PROSER2: variants seen among roughly 807,000 people sequenced by gnomAD.
PROSER2 encodes proline and serine rich 2.
Under a neutral mutation model 14.6 loss-of-function variants are expected in PROSER2, and 18 were observed. That is an observed-to-expected ratio of 1.23 (90% CI 0.85 to 1.83). PROSER2 has a LOEUF of 1.83. Ranked by LOEUF, PROSER2 falls within the 40% of genes most tolerant of loss-of-function variation. PROSER2 has a pLI of 0.00. For synonymous variants in PROSER2, 367 were observed against 286.4 expected, an observed-to-expected ratio of 1.28 and a Z score of -2.84; for missense variants, 823 against 629.8, an observed-to-expected ratio of 1.31 and a Z score of -3.28.
At chr10:11,833,235 C>CTTTTTTTTTTTGTTTTT (rs1833711770) in intron 1 of PROSER2, among the ~76,000 whole-genome samples, 1 of 87,668 alleles carries the variant, frequency 1.1e-5, no homozygotes, top group African/African-American at 4.8e-5. Flanking sequence ...AATGTTGTGG[C>CTTTTTTTTTTTGTTTTT]TTTTTTTTTT....
Position 11,866,440 on chromosome 10 carries a change from G to A in PROSER2, c.139-91G>A, listed in dbSNP as rs2131093081. On this transcript the variant is annotated intron_variant, in intron 2 of 3. Coordinates refer to ENST00000277570, the MANE Select transcript of PROSER2 (RefSeq NM_153256.4). The surrounding 1 kb of genome is among the most constrained non-coding windows in gnomAD (Gnocchi z 6.0). ...GACACAGTGAGTTCCGCCCTGGGCTGTGGACCAATCCCAACTTTGCTTCAG... is the reference window on the plus strand; with the variant it reads ...GACACAGTGAGTTCCGCCCTGGGCTATGGACCAATCCCAACTTTGCTTCAG... 2.6e-6 allele frequency: 4 copies of A among 1,518,402 alleles called. No homozygotes were observed. Among genetic ancestry groups the A allele is most frequent in the South Asian group, 1.2e-5 (1 of 80,214 alleles). 94.1% of individuals were successfully genotyped at this position (1,518,402 alleles called of 1,614,324 possible).
chr10:11,846,447 G>C (rs1284806119), intron 1 of PROSER2, among the ~76,000 whole-genome samples: 1 of 152,082 alleles, frequency 6.6e-6, no homozygotes, highest in South Asian at 2.1e-4. Flanking sequence ...CAAATGATAG[G>C]TTTCTTCAGA....
chr10:11,859,458 G>A (rs1535980), intron 2 of PROSER2, among the ~76,000 whole-genome samples: 33,034 of 152,052 alleles, frequency 0.22, 3,749 homozygotes, highest in Middle Eastern at 0.31. Context: ...TTGTGAGAAG[G>A]GAATTTACTT....
At chr10:11,828,787 G>A (rs913592139) in intron 1 of PROSER2, among the ~76,000 whole-genome samples, 1 of 152,146 alleles carries the variant, frequency 6.6e-6, no homozygotes, top group African/African-American at 2.4e-5. Flanking sequence ...CTGGGAATAC[G>A]GAGGTGACTA....
chr10:11,849,206 A>G (rs896630745), intron 1 of PROSER2, among the ~76,000 whole-genome samples: 1 of 152,096 alleles, frequency 6.6e-6, no homozygotes, highest in Non-Finnish European at 1.5e-5. Context: ...ACAAAAAAAC[A>G]AAGAGTTTAA....
chr10:11,862,930 C>T lies in PROSER2; in HGVS notation c.139-3601C>T, dbSNP rs948794972. The stretch of plus-strand genomic sequence containing the variant: ...CCTTCAGGGCGCTAGAGCAACCAGC[C>T]CTGCCGAAAGCAAGTGTCAGTCAGT... On this transcript the variant is annotated intron_variant, in intron 2 of 3. Coordinates refer to ENST00000277570, the MANE Select transcript of PROSER2 (RefSeq NM_153256.4). This position sits in a 1 kb window ranked among gnomAD's most constrained non-coding sequence, Gnocchi z 4.2. 2.0e-5 allele frequency: 3 copies of T among 152,142 alleles called. No individual in the cohort carries two copies. Among genetic ancestry groups the T allele is most frequent in the African/African-American group, 7.2e-5 (3 of 41,416 alleles). The allele number at this position is 152,142 out of a possible 1,614,324, so 9.4% of individuals were successfully genotyped here. A position where few individuals can be genotyped will look rare whatever the true frequency, so the allele number is the denominator to read the frequency against.
intron 1 of PROSER2, among the ~76,000 whole-genome samples, chr10:11,841,327 C>A (rs1016678606): frequency 2.0e-5 from 3 of 152,040 alleles, no homozygotes; most frequent in African/African-American, 7.2e-5. Context: ...ATTGTTCATC[C>A]ATTTTTCCCC....
intron 1 of PROSER2, among the ~76,000 whole-genome samples, chr10:11,826,896 T>TTC (rs1564299646): frequency 7.3e-6 from 1 of 136,866 alleles, no homozygotes; most frequent in African/African-American, 2.6e-5. Flanking sequence ...TTTTTTTTTT[T>TTC]TCCTCTGACA....
Position 11,862,747 on chromosome 10 carries a change from C to G in PROSER2, c.139-3784C>G, listed in dbSNP as rs959737663. The stretch of plus-strand genomic sequence containing the variant: ...ACATCAATATTTCATTATGTATATG[C>G]AAATATTTCAAAATGTGAAAAAATC... On this transcript the variant is annotated intron_variant, in intron 2 of 3. Transcript: ENST00000277570. The surrounding 1 kb of genome is among the most constrained non-coding windows in gnomAD (Gnocchi z 4.2). 3 of 152,050 alleles carry G rather than the reference C, an allele frequency of 2.0e-5. No homozygotes were observed. Among genetic ancestry groups the G allele is most frequent in the Non-Finnish European group, 2.9e-5 (2 of 68,022 alleles). The allele number at this position is 152,050 out of a possible 1,614,324, so 9.4% of individuals were successfully genotyped here.
chr10:11,872,017 AT>A lies in PROSER2; in HGVS notation c.*1615del, dbSNP rs1428099691. On this transcript the variant is annotated 3_prime_UTR_variant, in exon 4 of 4. Coordinates refer to ENST00000277570, the MANE Select transcript of PROSER2 (RefSeq NM_153256.4). ...CAGCTTTCAAAAGTAGTTACTGTAAATTTTACTCCTGTTAATGCTGGATTGG... is the reference window on the plus strand; with the variant it reads ...CAGCTTTCAAAAGTAGTTACTGTAAATTTACTCCTGTTAATGCTGGATTGG... The A allele has an allele frequency of 6.6e-6, 1 of 152,214 alleles. No individual in the cohort carries two copies. The highest frequency in any genetic ancestry group is 1.5e-5 in the Non-Finnish European group (1 of 68,044). The allele number at this position is 152,214 out of a possible 1,614,324, so 9.4% of individuals were successfully genotyped here. A position where few individuals can be genotyped will look rare whatever the true frequency, so the allele number is the denominator to read the frequency against.
chr10:11,867,848 C>G (rs1269212207), intron 3 of PROSER2, among the ~76,000 whole-genome samples: 2 of 152,068 alleles, frequency 1.3e-5, no homozygotes, highest in Non-Finnish European at 2.9e-5. Context: ...AGTTTTTTTC[C>G]CCGATTGGAA....
intron 1 of PROSER2, among the ~76,000 whole-genome samples, chr10:11,828,352 G>C (rs961175606): frequency 3.3e-5 from 5 of 151,406 alleles, no homozygotes; most frequent in African/African-American, 1.2e-4. Context: ...ATAAACAGGT[G>C]AGTTGGGTCC....
chr10:11,825,685 A>T (rs954320282), intron 1 of PROSER2, among the ~76,000 whole-genome samples: 2 of 152,140 alleles, frequency 1.3e-5, no homozygotes, highest in Non-Finnish European at 2.9e-5. Flanking sequence ...GAAACCTAAG[A>T]GTATTTTAAG....
At chr10:11,860,504 T>C (rs908844369) in intron 2 of PROSER2, among the ~76,000 whole-genome samples, 3 of 151,800 alleles carry the variant, frequency 2.0e-5, no homozygotes, top group Non-Finnish European at 4.4e-5. Context: ...TAATCCCAGC[T>C]ACTCCGGATC....
rs1286509525 is a variant in PROSER2 at position 11,862,405 on chromosome 10, C to A, written c.139-4126C>A. 6.6e-6 allele frequency among the ~76,000 whole-genome samples: 1 copy of A among 152,208 alleles called. No individual in the cohort carries two copies. Among genetic ancestry groups the A allele is most frequent in the Admixed American group, 6.5e-5 (1 of 15,282 alleles). ...GGACTCTGCCAGATATCAAGACTTA[C>A]TATAGAATGGGCACAGTGGCTCATG... On this transcript the variant is annotated intron_variant, in intron 2 of 3. Transcript: ENST00000277570. This position sits in a 1 kb window ranked among gnomAD's most constrained non-coding sequence, Gnocchi z 4.2.
chr10:11,864,823 G>A (rs546074193), intron 2 of PROSER2, among the ~76,000 whole-genome samples: 1 of 152,020 alleles, frequency 6.6e-6, no homozygotes, highest in East Asian at 1.9e-4. Flanking sequence ...TCTGGAGCTC[G>A]AGTGATCCAC....
Position 11,830,213 on chromosome 10 carries a change from C to T in PROSER2, c.-82+6743C>T, listed in dbSNP as rs1368830818. Among the ~76,000 whole-genome samples the T allele has an allele frequency of 6.6e-6, 1 of 152,116 alleles. No individual in the cohort carries two copies. Among genetic ancestry groups the T allele is most frequent in the East Asian group, 1.9e-4 (1 of 5,198 alleles). On this transcript the variant is annotated intron_variant, in intron 1 of 3. Coordinates refer to ENST00000277570, the MANE Select transcript of PROSER2 (RefSeq NM_153256.4). The surrounding 1 kb of genome is among the most constrained non-coding windows in gnomAD (Gnocchi z 4.5). Reference sequence around the variant, plus strand: ...CCCACCTTTTGGAGTCTCCCGTGTCCATTATTTCACTCTGTGCATTTATGT... The same window carrying T: ...CCCACCTTTTGGAGTCTCCCGTGTCTATTATTTCACTCTGTGCATTTATGT...
chr10:11,859,276 A>G (rs1834189253), intron 2 of PROSER2, among the ~76,000 whole-genome samples: 1 of 151,984 alleles, frequency 6.6e-6, no homozygotes, highest in Admixed American at 6.6e-5. Flanking sequence ...ACCAAAAAAC[A>G]AAAAAGGCCG....
At position 11,861,653 on chromosome 10, in the gene PROSER2, C is replaced by T. The variant is rs114495355; in HGVS notation, c.139-4878C>T. ...AAGCGACAAACCATAGCCTGTGGCC[C>T]GTAGCTGCCCCCACTCCGTGCTTTT... On this transcript the variant is annotated intron_variant, in intron 2 of 3. Coordinates refer to ENST00000277570, the MANE Select transcript of PROSER2 (RefSeq NM_153256.4). Among the ~76,000 whole-genome samples the T allele has an allele frequency of 8.6e-3, 1,307 of 152,226 alleles. 20 individuals are homozygous for T. The highest frequency in any genetic ancestry group is 0.029 in the African/African-American group (1,211 of 41,526).
Sources: gnomAD v4.1 joint callset for allele counts (sites outside exome capture counted in the v4.1 genomes callset) on GRCh38, gnomAD v4.1.1 for gene constraint, Gnocchi (gnomAD v3.1) non-coding constraint, MANE v1.5 for transcripts, NCBI Gene and HGNC (gene_info 2026-07-23, HGNC 2026-07-21) for gene names.